The following LRFN5 variants were observed in gnomAD, a reference collection of about 807,000 sequenced individuals.
LRFN5 encodes the protein leucine rich repeat and fibronectin type III domain containing 5.
LRFN5 carries 24 observed loss-of-function variants against 45.6 expected under a neutral mutation model. That is an observed-to-expected ratio of 0.53 (90% CI 0.38 to 0.74). The LOEUF is 0.74. Ranked by LOEUF, LRFN5 falls within the 30% of genes least tolerant of loss-of-function variation. LRFN5 has a pLI of 0.00. For missense variants in LRFN5, 776 were observed against 861.5 expected (o/e 0.90, Z 1.24); for synonymous variants, 340 against 313.8 (o/e 1.08, Z -0.88).
At chr14:41,889,260 C>G (rs1890697972) in intron 3 of LRFN5, among the ~76,000 whole-genome samples, 1 of 151,330 alleles carries the variant, frequency 6.6e-6, no homozygotes, top group African/African-American at 2.4e-5. Flanking sequence ...GACTAATAGG[C>G]AAAATTAAAC....
intron 1 of LRFN5, among the ~76,000 whole-genome samples, chr14:41,730,077 T>C (rs2138790799): frequency 6.6e-6 from 1 of 152,198 alleles, no homozygotes; most frequent in South Asian, 2.1e-4. Flanking sequence ...CTGTTTCTGG[T>C]ATTTTAACAT....
chr14:41,671,599 G>A (rs1299407125), intron 1 of LRFN5, among the ~76,000 whole-genome samples: 1 of 77,872 alleles, frequency 1.3e-5, no homozygotes, highest in East Asian at 5.6e-4. Flanking sequence ...GGATGTGGAG[G>A]AGAGATTTTT....
At chr14:41,722,270 T>C (rs1275044753) in intron 1 of LRFN5, among the ~76,000 whole-genome samples, 1 of 152,138 alleles carries the variant, frequency 6.6e-6, no homozygotes, top group Non-Finnish European at 1.5e-5. Context: ...TGGATTGATA[T>C]AGAAGTTTCT....
intron 1 of LRFN5, among the ~76,000 whole-genome samples, chr14:41,635,190 T>G (rs1352928923): frequency 2.0e-5 from 3 of 152,186 alleles, no homozygotes; most frequent in Non-Finnish European, 2.9e-5. Context: ...TCCAATACGT[T>G]GTATTTTGTT....
At chr14:41,805,575 A>C (rs544462153) in intron 2 of LRFN5, among the ~76,000 whole-genome samples, 2 of 140,564 alleles carry the variant, frequency 1.4e-5, no homozygotes, top group Non-Finnish European at 3.1e-5. Context: ...CCACAGCAGT[A>C]CCCAGAGTGT....
intron 1 of LRFN5, among the ~76,000 whole-genome samples, chr14:41,651,012 T>C (rs1019068156): frequency 3.9e-5 from 6 of 152,122 alleles, no homozygotes; most frequent in Non-Finnish European, 7.4e-5. Flanking sequence ...GTCTATAAAT[T>C]CATTTTCTTC....
chr14:41,817,434 C>T (rs1480377716), intron 2 of LRFN5, among the ~76,000 whole-genome samples: 2 of 152,134 alleles, frequency 1.3e-5, no homozygotes, highest in South Asian at 4.1e-4. Flanking sequence ...AGTGGAGAAG[C>T]CTTCTATAAT....
At chr14:41,814,419 G>C (rs923508485) in intron 2 of LRFN5, among the ~76,000 whole-genome samples, 1 of 152,108 alleles carries the variant, frequency 6.6e-6, no homozygotes, top group Non-Finnish European at 1.5e-5. Context: ...GTTTAATTAG[G>C]AAGGCAGGTG....
chr14:41,665,762 C>T (rs1021824233), intron 1 of LRFN5, among the ~76,000 whole-genome samples: 8 of 151,898 alleles, frequency 5.3e-5, no homozygotes, highest in African/African-American at 1.9e-4. Flanking sequence ...TTTTAAAGTG[C>T]TCACTTCAAT....
intron 2 of LRFN5, among the ~76,000 whole-genome samples, chr14:41,798,110 C>A (rs1887198529): frequency 6.6e-6 from 1 of 151,906 alleles, no homozygotes; most frequent in African/African-American, 2.4e-5. Flanking sequence ...TATCCTCAGA[C>A]AACCCTTCAT....
intron 1 of LRFN5, among the ~76,000 whole-genome samples, chr14:41,709,800 A>T (rs1883211810): frequency 6.6e-6 from 1 of 152,084 alleles, no homozygotes; most frequent in African/African-American, 2.4e-5. Flanking sequence ...AATAGTAAAA[A>T]GTAGATTTGT....
At chr14:41,649,736 A>C (rs1880003303) in intron 1 of LRFN5, among the ~76,000 whole-genome samples, 1 of 152,126 alleles carries the variant, frequency 6.6e-6, no homozygotes, top group Non-Finnish European at 1.5e-5. Context: ...GGTTTAACCA[A>C]AATTCTCCTT....
intron 1 of LRFN5, among the ~76,000 whole-genome samples, chr14:41,696,999 C>T (rs540229326): frequency 1.3e-5 from 2 of 152,066 alleles, no homozygotes; most frequent in South Asian, 4.1e-4. Context: ...ATACTGTGTA[C>T]ACAGTTTTTG....
At chr14:41,632,172 AC>A (rs1888559678) in intron 1 of LRFN5, among the ~76,000 whole-genome samples, 1 of 152,080 alleles carries the variant, frequency 6.6e-6, no homozygotes, top group Non-Finnish European at 1.5e-5. Context: ...GAAAAAAAAA[AC>A]GTAGCATTTC....
intron 2 of LRFN5, among the ~76,000 whole-genome samples, chr14:41,853,649 T>C (rs1004868940): frequency 2.6e-5 from 4 of 152,026 alleles, no homozygotes; most frequent in Non-Finnish European, 4.4e-5. Context: ...CAGATAGATA[T>C]AAGGTTCTGG....
At chr14:41,867,003 A>T (rs1889862889) in intron 2 of LRFN5, among the ~76,000 whole-genome samples, 1 of 152,134 alleles carries the variant, frequency 6.6e-6, no homozygotes, top group Non-Finnish European at 1.5e-5. Flanking sequence ...ACATAGTGAG[A>T]TACACAGTCT....
At chr14:41,759,503 A>C (rs1339288277) in intron 1 of LRFN5, among the ~76,000 whole-genome samples, 3 of 143,418 alleles carry the variant, frequency 2.1e-5, no homozygotes, top group Non-Finnish European at 3.1e-5. Flanking sequence ...ACACACAGAG[A>C]GAGCACCAGA....
intron 2 of LRFN5, among the ~76,000 whole-genome samples, chr14:41,826,850 ATAAG>A (rs1044714042): frequency 2.0e-5 from 3 of 151,640 alleles, no homozygotes; most frequent in African/African-American, 7.3e-5. Flanking sequence ...TGTTGTTTTA[ATAAG>A]TAATTATTTT....
At chr14:41,720,035 G>A (rs369196114) in intron 1 of LRFN5, among the ~76,000 whole-genome samples, 10 of 152,046 alleles carry the variant, frequency 6.6e-5, no homozygotes, top group African/African-American at 1.2e-4. Flanking sequence ...TGAGTATATC[G>A]TGTGTTGCTG....
Sources: allele counts gnomAD v4.1 joint callset (sites outside exome capture counted in the v4.1 genomes callset), GRCh38; gene constraint gnomAD v4.1.1; transcripts MANE v1.5; gene names NCBI Gene and HGNC (gene_info 2026-07-23, HGNC 2026-07-21).